Variants in NREP observed in about 807,000 individuals in gnomAD.
The protein encoded by NREP is neuronal regeneration related protein, also known as neuronal regeneration-related protein.
Under a neutral mutation model 8.6 loss-of-function variants are expected in NREP, and 5 were observed. That is an observed-to-expected ratio of 0.58 (90% CI 0.30 to 1.22). The LOEUF (loss-of-function observed/expected upper bound fraction) is 1.22. Among genes scored for constraint, NREP ranks in the 50% most tolerant of loss-of-function variants. The pLI is 0.07. For synonymous variants in NREP, 27 were observed against 28.0 expected, an observed-to-expected ratio of 0.96 and a Z score of 0.11; for missense variants, 86 against 82.5, an observed-to-expected ratio of 1.04 and a Z score of -0.17.
At chr5:111,972,335 C>T (rs1215936717) in intron 2 of NREP, among the ~76,000 whole-genome samples, 1 of 152,156 alleles carries the variant, frequency 6.6e-6, no homozygotes, top group Non-Finnish European at 1.5e-5. Flanking sequence ...GTAGCATCCT[C>T]AAAAAGTTAA....
At chr5:111,947,403 T>C (rs1447931292) in intron 2 of NREP, among the ~76,000 whole-genome samples, 2 of 151,984 alleles carry the variant, frequency 1.3e-5, no homozygotes, top group Non-Finnish European at 2.9e-5. Context: ...TATTCAATTG[T>C]ATTATATAAA....
rs536038855 is a variant in NREP, at chr5:111,900,348, A to C, written c.135+74926T>G. Among the ~76,000 whole-genome samples, 6 of 152,160 alleles carry C rather than the reference A, an allele frequency of 3.9e-5. No individual in the cohort carries two copies. In the South Asian group the frequency reaches 1.2e-3, roughly 32 times the overall value. ...AAAAGTAGAAAAAATTAAAATAAAC[A>C]GTCTAAAGATGCACCTCAAATAATT... On this transcript the variant is annotated intron_variant, in intron 2 of 3. Coordinates refer to the NREP transcript ENST00000395634.
intron 2 of NREP, among the ~76,000 whole-genome samples, chr5:111,740,045 T>C (rs1749514187): frequency 6.6e-6 from 1 of 152,122 alleles, no homozygotes; most frequent in South Asian, 2.1e-4. Flanking sequence ...AAGGAAAATT[T>C]TGTTACTTTA....
rs531319825 is a variant in NREP, at chr5:111,954,451, T to C, written c.135+20823A>G. On this transcript the variant is annotated intron_variant, in intron 2 of 3. Coordinates refer to the NREP transcript ENST00000395634. ...GGTTTTACTAGTGATATGTTTTGGTTTGATTTTTCTGAGCTCCAAAAATTG... is the reference window on the plus strand; with the variant it reads ...GGTTTTACTAGTGATATGTTTTGGTCTGATTTTTCTGAGCTCCAAAAATTG... Among the ~76,000 whole-genome samples the C allele has an allele frequency of 1.3e-4, 20 of 152,304 alleles. No homozygotes were observed. The South Asian group carries it at 3.9e-3, about 30-fold the overall frequency.
At chr5:111,890,688 C>T (rs1754372246) in intron 2 of NREP, among the ~76,000 whole-genome samples, 1 of 152,168 alleles carries the variant, frequency 6.6e-6, no homozygotes, top group African/African-American at 2.4e-5. Context: ...TGGCTTGCAC[C>T]ATCTGAAGCA....
intron 2 of NREP, among the ~76,000 whole-genome samples, chr5:111,960,899 A>G (rs1310269548): frequency 2.0e-5 from 3 of 152,264 alleles, no homozygotes; most frequent in Non-Finnish European, 4.4e-5. Context: ...TGTAAAGACT[A>G]TAAAGTAATT....
At chr5:111,919,137 A>C (rs934448307) in intron 2 of NREP, among the ~76,000 whole-genome samples, 1 of 152,150 alleles carries the variant, frequency 6.6e-6, no homozygotes, top group Non-Finnish European at 1.5e-5. Flanking sequence ...GAAAAAGATC[A>C]CTGGTGATTA....
At chr5:111,898,672 A>G (rs1754571720) in intron 2 of NREP, among the ~76,000 whole-genome samples, 1 of 152,154 alleles carries the variant, frequency 6.6e-6, no homozygotes. Context: ...TACAATTTGA[A>G]CAACAAAATA....
chr5:111,804,717 A>G (rs1419158980), intron 2 of NREP, among the ~76,000 whole-genome samples: 1 of 151,928 alleles, frequency 6.6e-6, no homozygotes, highest in Non-Finnish European at 1.5e-5. Context: ...AAACAAACAA[A>G]CAGAGCCCGC....
intron 2 of NREP, chr5:111,846,611 G>A (rs548955115): frequency 1.3e-5 from 2 of 151,184 alleles, no homozygotes; most frequent in Non-Finnish European, 3.0e-5. Flanking sequence ...GGATACTGCT[G>A]GTCCTCCTGA....
rs772435998 is a variant in NREP, at chr5:111,951,375, G to A, written c.135+23899C>T. Among the ~76,000 whole-genome samples, 32 of 151,968 alleles carry A rather than the reference G, an allele frequency of 2.1e-4. 1 individual carries two copies. Among genetic ancestry groups the A allele is most frequent in the South Asian group, 1.2e-3 (6 of 4,822 alleles). ...TAGATGATTTAGTATTTTTTTTACA[G>A]CAGGGGTAAACGAACAATGCCTGTA... On this transcript the variant is annotated intron_variant, in intron 2 of 3. Transcript: ENST00000395634.
intron 2 of NREP, among the ~76,000 whole-genome samples, chr5:111,890,192 C>T (rs1352598877): frequency 6.6e-6 from 1 of 152,194 alleles, no homozygotes; most frequent in African/African-American, 2.4e-5. Context: ...AAGTTCAAAA[C>T]ACAGCAGGGC....
chr5:111,807,279 T>C (rs950028458), intron 2 of NREP, among the ~76,000 whole-genome samples: 4 of 152,140 alleles, frequency 2.6e-5, no homozygotes, highest in Non-Finnish European at 5.9e-5. Context: ...TTTTATAAAA[T>C]GGAAAAAATA....
chr5:111,841,289 G>A (rs1360337917), intron 2 of NREP, among the ~76,000 whole-genome samples: 4 of 152,108 alleles, frequency 2.6e-5, no homozygotes, highest in Non-Finnish European at 5.9e-5. Flanking sequence ...ACTGGTCAAG[G>A]GTTGCCCCAT....
At chr5:111,732,153 A>C (rs572912550) in intron 3 of NREP, 37 of 152,224 alleles carry the variant, frequency 2.4e-4, no homozygotes, top group Admixed American at 8.5e-4. Flanking sequence ...GTTTGACTAG[A>C]TGTAAAGTAC....
At chr5:111,907,037 T>A (rs1754795100) in intron 2 of NREP, among the ~76,000 whole-genome samples, 2 of 152,116 alleles carry the variant, frequency 1.3e-5, no homozygotes, top group African/African-American at 4.8e-5. Context: ...CCCAAAGTGC[T>A]AAGATTATAG....
chr5:111,877,336 C>A (rs1470780071), intron 2 of NREP, among the ~76,000 whole-genome samples: 2 of 152,196 alleles, frequency 1.3e-5, no homozygotes, highest in Non-Finnish European at 2.9e-5. Flanking sequence ...TAATTCTAAA[C>A]CAATATCATG....
At chr5:111,870,081 C>T (rs540700097) in intron 2 of NREP, among the ~76,000 whole-genome samples, 34 of 152,140 alleles carry the variant, frequency 2.2e-4, no homozygotes, top group Admixed American at 6.5e-5. Context: ...CAGCTTGTAC[C>T]GACAGCTCTT....
At chr5:111,775,508 A>G (rs779648455) in intron 2 of NREP, among the ~76,000 whole-genome samples, 3 of 152,078 alleles carry the variant, frequency 2.0e-5, no homozygotes, top group Non-Finnish European at 4.4e-5. Flanking sequence ...AGCCCTACTC[A>G]TATTCTGTGT....
Sources: allele counts gnomAD v4.1 joint callset (sites outside exome capture counted in the v4.1 genomes callset), GRCh38; gene constraint gnomAD v4.1.1; transcripts MANE v1.5; gene names NCBI Gene and HGNC (gene_info 2026-07-23, HGNC 2026-07-21).